MAGI2: variants seen among roughly 807,000 people sequenced by gnomAD.
The protein encoded by MAGI2 is membrane associated guanylate kinase, WW and PDZ domain containing 2.
Under a neutral mutation model 133.3 loss-of-function variants are expected in MAGI2, and 35 were observed. The observed-to-expected ratio is 0.26, with a 90% CI of 0.20 to 0.35. The LOEUF (loss-of-function observed/expected upper bound fraction) is 0.35. Among genes scored for constraint, MAGI2 ranks in the 10% least tolerant of loss-of-function variants. The pLI is 1.00. For synonymous variants in MAGI2, 729 were observed against 710.6 expected, an observed-to-expected ratio of 1.03 and a Z score of -0.41; for missense variants, 1,636 against 1,863.4, an observed-to-expected ratio of 0.88 and a Z score of 2.25.
Position 78,297,304 on chromosome 7 carries a change from G to GCAAT in MAGI2, c.1409-40727_1409-40724dup, listed in dbSNP as rs554328933. Among the ~76,000 whole-genome samples the GCAAT allele has an allele frequency of 5.9e-3, 888 of 151,192 alleles. 11 individuals carry two copies. Among genetic ancestry groups the GCAAT allele is most frequent in the African/African-American group, 0.02 (808 of 41,338 alleles). Reference sequence around the variant, plus strand: ...ATACCATCTCACACCAGTTAGAATGGCAATCATTAAAAAGTCAGGAAACAA... The same window carrying GCAAT: ...ATACCATCTCACACCAGTTAGAATGGCAATCAATCATTAAAAAGTCAGGAAACAA... On this transcript the variant is annotated intron_variant, in intron 9 of 21. Transcript: ENST00000354212.
At chr7:78,429,979 C>T (rs1799641015) in intron 6 of MAGI2, among the ~76,000 whole-genome samples, 1 of 152,070 alleles carries the variant, frequency 6.6e-6, no homozygotes, top group South Asian at 2.1e-4. Flanking sequence ...GATCCAGAAT[C>T]CCTTTTCCTA....
intron 1 of MAGI2, among the ~76,000 whole-genome samples, chr7:79,157,082 T>C (rs1823848696): frequency 6.6e-6 from 1 of 152,134 alleles, no homozygotes; most frequent in Non-Finnish European, 1.5e-5. Context: ...CAAAGATGCA[T>C]TCTAAAGGGT....
intron 9 of MAGI2, among the ~76,000 whole-genome samples, chr7:78,260,736 G>T (rs917967045): frequency 6.6e-6 from 1 of 152,106 alleles, no homozygotes; most frequent in African/African-American, 2.4e-5. Flanking sequence ...TGAGTGATGA[G>T]TTAGGTGTCC....
At chr7:78,073,897 A>G (rs1158945275) in intron 21 of MAGI2, among the ~76,000 whole-genome samples, 1 of 152,172 alleles carries the variant, frequency 6.6e-6, no homozygotes, top group Non-Finnish European at 1.5e-5. Context: ...TTCTCTTCTC[A>G]GTATGGCATT....
At chr7:78,634,192 T>C (rs532445147) in intron 2 of MAGI2, among the ~76,000 whole-genome samples, 1 of 152,242 alleles carries the variant, frequency 6.6e-6, no homozygotes, top group African/African-American at 2.4e-5. Context: ...CAGTAAGATG[T>C]AGTACACAGT....
At chr7:78,394,130 C>G (rs1796135186) in intron 6 of MAGI2, among the ~76,000 whole-genome samples, 1 of 151,996 alleles carries the variant, frequency 6.6e-6, no homozygotes, top group Non-Finnish European at 1.5e-5. Flanking sequence ...GATGGAGGAC[C>G]CAGCTCAAGA....
chr7:78,816,487 G>A (rs1339376188), intron 2 of MAGI2, among the ~76,000 whole-genome samples: 6 of 152,184 alleles, frequency 3.9e-5, no homozygotes, highest in Admixed American at 3.9e-4. Flanking sequence ...GAAAGGATAA[G>A]TCTATGCCTA....
chr7:79,174,093 G>T (rs903248968), intron 1 of MAGI2, among the ~76,000 whole-genome samples: 2 of 152,086 alleles, frequency 1.3e-5, no homozygotes, highest in East Asian at 3.9e-4. Context: ...TTTCATTTCA[G>T]TTATAGGTAT....
Position 78,498,777 on chromosome 7 carries a change from C to T in MAGI2, c.965+2800G>A, listed in dbSNP as rs567344383. On this transcript the variant is annotated intron_variant, in intron 5 of 21. Transcript: ENST00000354212. ...AAGGTGGAGGGTGTTGGGGAGCAGG[C>T]GGGCAGGGATGCCTCCAGTCTATGG... is the stretch of plus-strand genomic sequence containing the variant. 4.6e-5 allele frequency among the ~76,000 whole-genome samples: 7 copies of T among 152,110 alleles called. No homozygotes were observed. The South Asian group carries it at 1.3e-3, about 27-fold the overall frequency.
At chr7:78,133,138 TTTGCCTC>T in intron 17 of MAGI2, 78 bp from the exon 18 acceptor site, 7 of 1,223,038 alleles carry the variant, frequency 5.7e-6, no homozygotes, top group Non-Finnish European at 7.9e-6. Flanking sequence ...AGGCAGTGAC[TTTGCCTC>T]TGCTGATGGC....
intron 16 of MAGI2, chr7:78,158,436 C>T (rs552478235): frequency 5.3e-5 from 8 of 152,264 alleles, no homozygotes; most frequent in Non-Finnish European, 7.4e-5. Flanking sequence ...CTATGACTGT[C>T]ACCTGTTGTA....
At chr7:78,610,846 C>A (rs1187855398) in intron 3 of MAGI2, among the ~76,000 whole-genome samples, 1 of 152,102 alleles carries the variant, frequency 6.6e-6, no homozygotes, top group Non-Finnish European at 1.5e-5. Flanking sequence ...AGCGAGTCAT[C>A]CCGTTTTGGA....
intron 1 of MAGI2, among the ~76,000 whole-genome samples, chr7:79,386,980 T>C (rs1433361668): frequency 7.1e-6 from 1 of 139,884 alleles, no homozygotes; most frequent in East Asian, 2.1e-4. Flanking sequence ...GATGTGTGTA[T>C]TTTTGTGGAT....
intron 1 of MAGI2, among the ~76,000 whole-genome samples, chr7:79,094,636 G>T (rs1443960993): frequency 6.6e-6 from 1 of 152,198 alleles, no homozygotes; most frequent in African/African-American, 2.4e-5. Flanking sequence ...AGATGTGGAA[G>T]TTAATATTAC....
intron 2 of MAGI2, among the ~76,000 whole-genome samples, chr7:78,920,372 T>A (rs1799133575): frequency 6.6e-6 from 1 of 152,168 alleles, no homozygotes; most frequent in Non-Finnish European, 1.5e-5. Context: ...ACATGGTGAG[T>A]ACTCAATAAA....
At chr7:79,385,903 A>G (rs754297497) in intron 1 of MAGI2, among the ~76,000 whole-genome samples, 37 of 151,948 alleles carry the variant, frequency 2.4e-4, no homozygotes, top group Non-Finnish European at 4.7e-4. Flanking sequence ...GATAGTAACC[A>G]TTTTACTCTC....
chr7:78,236,027 G>GTTTTT (rs34874243), intron 10 of MAGI2, among the ~76,000 whole-genome samples: 1 of 134,636 alleles, frequency 7.4e-6, no homozygotes, highest in Non-Finnish European at 1.6e-5. Flanking sequence ...AAGACTGTAT[G>GTTTTT]TTTTTTTTTT....
chr7:78,593,700 G>A lies in MAGI2; in HGVS notation c.538+33420C>T, dbSNP rs1804291173. Among the ~76,000 whole-genome samples the A allele has an allele frequency of 2.0e-5, 3 of 152,174 alleles. 1 individual carries two copies. The South Asian group carries it at 6.2e-4, about 32-fold the overall frequency. ...CAAAAAATATTATTTGGGGCTTGGT[G>A]TCTCTGAGTACAACATGAAAGCAAA... On this transcript the variant is annotated intron_variant, in intron 3 of 21. Transcript: ENST00000354212.
At chr7:78,674,490 G>A (rs781035173) in intron 2 of MAGI2, among the ~76,000 whole-genome samples, 1 of 151,228 alleles carries the variant, frequency 6.6e-6, no homozygotes, top group Non-Finnish European at 1.5e-5. Flanking sequence ...AAAAAAAAAT[G>A]GTAAATGTAT....
Sources: gnomAD v4.1 joint callset for allele counts (sites outside exome capture counted in the v4.1 genomes callset) on GRCh38, gnomAD v4.1.1 for gene constraint, MANE v1.5 for transcripts, NCBI Gene and HGNC (gene_info 2026-07-23, HGNC 2026-07-21) for gene names.